ORC1: variants seen among roughly 807,000 people sequenced by gnomAD.
ORC1 encodes origin recognition complex, subunit 1 homolog.
Under a neutral mutation model 98.9 loss-of-function variants are expected in ORC1, and 61 were observed. The observed-to-expected ratio is 0.62, with a 90% CI of 0.50 to 0.76. The LOEUF (loss-of-function observed/expected upper bound fraction) is 0.76. ORC1 is among the 30% of genes least tolerant of loss of function. ORC1 has a pLI of 0.00. For synonymous variants in ORC1, 385 were observed against 406.9 expected (o/e 0.95, Z 0.65); for missense variants, 979 against 1,072.2 (o/e 0.91, Z 1.21).
chr1:52,375,000 C>T (rs896352501), intron 15 of ORC1, 103 bp from the exon 16 acceptor site: 27 of 753,380 alleles, frequency 3.6e-5, no homozygotes, highest in Admixed American at 2.5e-4. Flanking sequence ...AGAGAAAACC[C>T]GGGAAATAAT....
chr1:52,408,093 T>C (rs1276141966), upstream of ORC1, among the ~76,000 whole-genome samples: 2 of 150,062 alleles, frequency 1.3e-5, no homozygotes, highest in African/African-American at 4.9e-5. Context: ...ATACAAAAAT[T>C]AGCTGGGCAT....
chr1:52,404,717 A>G (rs1647918930), upstream of ORC1: 1 of 1,606,488 alleles, frequency 6.2e-7, no homozygotes, highest in African/African-American at 1.3e-5. Flanking sequence ...GCATTAAAGG[A>G]TCCGACGGAA....
At chr1:52,390,351 C>T (rs781205129) in intron 6 of ORC1, among the ~76,000 whole-genome samples, 1 of 152,218 alleles carries the variant, frequency 6.6e-6, no homozygotes, top group South Asian at 2.1e-4. Context: ...AAAATAGGCA[C>T]GTAGACCAAT....
intron 6 of ORC1, among the ~76,000 whole-genome samples, chr1:52,392,249 C>T (rs566517571): frequency 6.1e-4 from 93 of 152,134 alleles, no homozygotes; most frequent in Admixed American, 3.2e-3. Context: ...CCTGCCTCAG[C>T]CTCCCAAGTA....
intron 10 of ORC1, 112 bp from the exon 11 acceptor site, chr1:52,384,833 G>A (rs1423630357): frequency 1.0e-6 from 1 of 956,778 alleles, no homozygotes. Context: ...CCCTTGAAAT[G>A]TGGAGGTGGG....
At chr1:52,395,972 C>T (rs765035137) in intron 5 of ORC1, 74 bp downstream of exon 5, 1 of 1,597,236 alleles carries the variant, frequency 6.3e-7, no homozygotes, top group Admixed American at 1.7e-5. Flanking sequence ...TCAATACTTT[C>T]CCATAAATTA....
At chr1:52,382,144 A>G in intron 13 of ORC1, among the ~76,000 whole-genome samples, 1 of 151,780 alleles carries the variant, frequency 6.6e-6, no homozygotes, top group East Asian at 1.9e-4. Flanking sequence ...ACGCCCAGCT[A>G]ATTTTTTTGT....
At chr1:52,382,650 GCTCA>G (rs1370578073) in intron 13 of ORC1, among the ~76,000 whole-genome samples, 1 of 146,740 alleles carries the variant, frequency 6.8e-6, no homozygotes, top group Non-Finnish European at 1.5e-5. Context: ...CGTGATCCTG[GCTCA>G]CCGCAACCTC....
chr1:52,396,738 C>T (rs557268604), intron 4 of ORC1, among the ~76,000 whole-genome samples: 11 of 152,256 alleles, frequency 7.2e-5, no homozygotes, highest in African/African-American at 2.4e-4. Flanking sequence ...TATTCTTATA[C>T]CCTACCATTG....
chr1:52,383,812 C>T lies in ORC1; in HGVS notation c.1863+18G>A, dbSNP rs759702248. 21 of 1,594,172 alleles carry T rather than the reference C, an allele frequency of 1.3e-5. No individual in the cohort carries two copies. In the East Asian group the frequency reaches 1.3e-4, roughly 10 times the overall value. On this transcript the variant is annotated intron_variant, in intron 12 of 16. Coordinates refer to ENST00000371568, the MANE Select transcript of ORC1 (RefSeq NM_004153.4). ...GTACAGCCCTGTTTCTTCTCCTGTC[C>T]GCCCATGGGCACCTCACCTCATCCA...
chr1:52,404,727 A>G (rs114732526), upstream of ORC1: 220 of 1,610,072 alleles, frequency 1.4e-4, 1 homozygote, highest in African/African-American at 2.4e-3. Context: ...ATCCGACGGA[A>G]ATAGAATTGA....
Position 52,393,782 on chromosome 1 carries a change from G to C in ORC1, c.743C>G (p.Ser248Cys). Residue 248 changes from serine (S) to cysteine (C), a missense_variant, in exon 6 of 17, where the codon TCC (serine) becomes TGC (cysteine). Coordinates refer to ENST00000371568, the MANE Select transcript of ORC1 (RefSeq NM_004153.4). ...CAAGGAGGCACATGAAGTCTGCTGGGACATCTGAGGGTTACCTAAGTCTAA... is the reference window on the plus strand; with the variant it reads ...CAAGGAGGCACATGAAGTCTGCTGGCACATCTGAGGGTTACCTAAGTCTAA... ...ELGNLGNPQM[S>C]QQTSCASLDS... 1 of 1,613,536 alleles carries C rather than the reference G, an allele frequency of 6.2e-7. No individual in the cohort carries two copies. Among genetic ancestry groups the C allele is most frequent in the Non-Finnish European group, 8.5e-7 (1 of 1,180,014 alleles).
chr1:52,396,512 T>C (rs970343611), intron 4 of ORC1, 148 bp from the exon 5 acceptor site: 4 of 857,962 alleles, frequency 4.7e-6, no homozygotes, highest in Admixed American at 2.4e-5. Flanking sequence ...AGACATGGCA[T>C]AGCATATTGC....
chr1:52,396,504 A>C, intron 4 of ORC1, 140 bp from the exon 5 acceptor site: 1 of 955,864 alleles, frequency 1.0e-6, no homozygotes, highest in South Asian at 1.4e-5. Context: ...AGACGCATAG[A>C]CATGGCATAG....
At chr1:52,376,918 T>TA (rs1466368210) in intron 14 of ORC1, among the ~76,000 whole-genome samples, 3 of 152,136 alleles carry the variant, frequency 2.0e-5, no homozygotes, top group Non-Finnish European at 4.4e-5. Context: ...TCAGCCTCAG[T>TA]ACAGGGTGAG....
In ORC1 at chr1:52,396,132, A is replaced by G; in HGVS notation, c.635T>C (p.Ile212Thr). 2 of 1,613,962 alleles carry G rather than the reference A, an allele frequency of 1.2e-6. No homozygotes were observed. The highest frequency in any genetic ancestry group is 1.7e-6 in the Non-Finnish European group (2 of 1,180,004). ...WTPAEHVAKR[I>T]ESRHSASKSR... Reference sequence around the variant, plus strand: ...TTTGGAGGCGGAGTGCCTTGATTCAATCCTTTTGGCCACATGTTCTGCTGG... The same window carrying G: ...TTTGGAGGCGGAGTGCCTTGATTCAGTCCTTTTGGCCACATGTTCTGCTGG... Residue 212 changes from isoleucine to threonine, a missense_variant, in exon 5 of 17, where the codon ATT (isoleucine) becomes ACT (threonine). Ile to Thr is a moderately conservative substitution (Grantham distance 89). Coordinates refer to ENST00000371568, the MANE Select transcript of ORC1 (RefSeq NM_004153.4).
intron 16 of ORC1, 78 bp from the exon 17 acceptor site, chr1:52,373,453 G>T: frequency 7.8e-7 from 1 of 1,285,664 alleles, no homozygotes. Flanking sequence ...TTCTTCATTT[G>T]GGAAAATCAG....
chr1:52,399,975 C>A (rs112842606), intron 3 of ORC1, among the ~76,000 whole-genome samples: 4 of 152,198 alleles, frequency 2.6e-5, no homozygotes, highest in African/African-American at 9.6e-5. Context: ...AGTGCCTCAT[C>A]ATCATCCTCT....
At chr1:52,375,987 A>G (rs1364305931) in intron 14 of ORC1, among the ~76,000 whole-genome samples, 1 of 152,228 alleles carries the variant, frequency 6.6e-6, no homozygotes, top group African/African-American at 2.4e-5. Flanking sequence ...GGTGGAGCCT[A>G]TCTGGAGATA....
Sources: gnomAD v4.1 joint callset for allele counts (sites outside exome capture counted in the v4.1 genomes callset) on GRCh38, gnomAD v4.1.1 for gene constraint, MANE v1.5 for transcripts, NCBI Gene and HGNC (gene_info 2026-07-23, HGNC 2026-07-21) for gene names.